Variants in TMEM161B observed in about 807,000 individuals in gnomAD.
TMEM161B encodes transmembrane protein 161B.
A neutral mutation model predicts 61.8 loss-of-function variants in TMEM161B; 34 were observed. The ratio of observed to expected loss-of-function variants is 0.55; its 90% CI spans 0.42 to 0.73. The LOEUF (loss-of-function observed/expected upper bound fraction) is 0.73. Among genes scored for constraint, TMEM161B ranks in the 30% least tolerant of loss-of-function variants. The probability of loss-of-function intolerance (pLI) is 0.00; values close to 1 mark genes in which losing one functional copy is unlikely to be tolerated. For missense variants in TMEM161B, 456 were observed against 558.5 expected (o/e 0.82, Z 1.85); for synonymous variants, 167 against 192.8 (o/e 0.87, Z 1.11).
At chr5:88,227,223 G>A (rs780523163) in intron 3 of TMEM161B, among the ~76,000 whole-genome samples, 1 of 152,132 alleles carries the variant, frequency 6.6e-6, no homozygotes, top group Non-Finnish European at 1.5e-5. Context: ...GAACATAGTA[G>A]CTATAAATGG....
intron 4 of TMEM161B, among the ~76,000 whole-genome samples, chr5:88,222,995 C>G (rs1351220999): frequency 2.0e-5 from 3 of 151,882 alleles, no homozygotes; most frequent in African/African-American, 7.3e-5. Context: ...CCCTGCTATT[C>G]TGGTTAACTG....
chr5:88,201,999 C>T, intron 9 of TMEM161B: 1 of 371,054 alleles, frequency 2.7e-6, no homozygotes, highest in Admixed American at 2.9e-5. Context: ...TATTTTAATT[C>T]TGATGAGGCA....
intron 1 of TMEM161B, among the ~76,000 whole-genome samples, chr5:88,246,080 AAAAT>A (rs1322326692): frequency 6.6e-6 from 1 of 151,918 alleles, no homozygotes; most frequent in Non-Finnish European, 1.5e-5. Flanking sequence ...ATGTTTGACT[AAAAT>A]AATGTTCAAT....
At position 88,230,312 on chromosome 5, in the gene TMEM161B, A is replaced by T. The variant is rs376923181; in HGVS notation, c.108-1784T>A. On this transcript the variant is annotated intron_variant, in intron 2 of 11. Transcript: ENST00000296595. ...TGATAATGAGATTGTGGTAATTTTTAAAAATCTCATTATTTTTGATATATA... is the reference window on the plus strand; with the variant it reads ...TGATAATGAGATTGTGGTAATTTTTTAAAATCTCATTATTTTTGATATATA... Among the ~76,000 whole-genome samples the T allele has an allele frequency of 3.0e-3, 452 of 152,340 alleles. 3 individuals are homozygous for T. Among genetic ancestry groups the T allele is most frequent in the Middle Eastern group, 0.01 (3 of 294 alleles).
chr5:88,186,255 C>T (rs1561279032), downstream of TMEM161B, among the ~76,000 whole-genome samples: 1 of 152,148 alleles, frequency 6.6e-6, no homozygotes, highest in Non-Finnish European at 1.5e-5. Flanking sequence ...TTGTAAAGTC[C>T]AACGATGCAT....
Position 88,228,361 on chromosome 5 carries a change from CAT to C in TMEM161B, c.191+82_191+83del, listed in dbSNP as rs772536639. On this transcript the variant is annotated intron_variant, in intron 3 of 11. Transcript: ENST00000296595. ...TCAACTACTTACAACATAATTGGTACATGTTTCTTTAATCAAAGCATAAAAAT... is the reference window on the plus strand; with the variant it reads ...TCAACTACTTACAACATAATTGGTACGTTTCTTTAATCAAAGCATAAAAAT... The C allele has an allele frequency of 2.4e-3, 2,513 of 1,030,754 alleles. 3 individuals carry two copies. The highest frequency in any genetic ancestry group is 3.1e-3 in the Non-Finnish European group (2,203 of 706,062). The allele number at this position is 1,030,754 out of a possible 1,614,324, so 63.9% of individuals were successfully genotyped here. A position where few individuals can be genotyped will look rare whatever the true frequency, so the allele number is the denominator to read the frequency against.
downstream of TMEM161B, among the ~76,000 whole-genome samples, chr5:88,188,191 G>A (rs528791530): frequency 7.9e-5 from 12 of 151,888 alleles, no homozygotes; most frequent in South Asian, 2.1e-4. Context: ...TGCAACCTCC[G>A]CCTCCCAGGT....
At chr5:88,205,692 G>A (rs1745325638) in intron 8 of TMEM161B, 122 bp downstream of exon 8, 7 of 1,100,910 alleles carry the variant, frequency 6.4e-6, no homozygotes, top group Non-Finnish European at 8.8e-6. Context: ...AGGAAGTAGT[G>A]TGACATCAAA....
chr5:88,207,087 G>C lies in TMEM161B; in HGVS notation c.540C>G (p.Val180=). 6.2e-7 allele frequency: 1 copy of C among 1,612,500 alleles called. No individual in the cohort carries two copies. The highest frequency in any genetic ancestry group is 8.5e-7 in the Non-Finnish European group (1 of 1,179,324). ...VCVTFGFFFF[V]KAMAVLIVTE... ...TTACAATCAACACTGCCATTGCTTTGACAAAGAAAAAAAATCCAAAGGTGA... is the reference window on the plus strand; with the variant it reads ...TTACAATCAACACTGCCATTGCTTTCACAAAGAAAAAAAATCCAAAGGTGA... The change falls in exon 6 of 12, where the codon GTC becomes GTG. Residue 180 remains valine (V), a synonymous_variant. Coordinates refer to ENST00000296595, the MANE Select transcript of TMEM161B (RefSeq NM_153354.5).
chr5:88,265,128 CT>C (rs1756210313), intron 1 of TMEM161B, among the ~76,000 whole-genome samples: 1 of 152,116 alleles, frequency 6.6e-6, no homozygotes, highest in African/African-American at 2.4e-5. Context: ...AAATACAATT[CT>C]AAAACTTTAT....
intron 4 of TMEM161B, chr5:88,221,633 T>A (rs184680327): frequency 2.2e-6 from 1 of 451,588 alleles, no homozygotes; most frequent in Non-Finnish European, 4.5e-6. Context: ...AGAGTTTACA[T>A]TGAAATTAAC....
chr5:88,201,129 A>C (rs1258263374), intron 9 of TMEM161B: 1 of 152,060 alleles, frequency 6.6e-6, no homozygotes, highest in Admixed American at 6.6e-5. Context: ...CAGAGGTAAA[A>C]CTATAATTTT....
At chr5:88,210,582 T>A (rs1746512757) in intron 5 of TMEM161B, among the ~76,000 whole-genome samples, 1 of 152,128 alleles carries the variant, frequency 6.6e-6, no homozygotes, top group African/African-American at 2.4e-5. Context: ...GAGTTTAGAT[T>A]TAGTCAACTG....
chr5:88,207,531 C>T (rs1745752501), intron 5 of TMEM161B, among the ~76,000 whole-genome samples: 1 of 152,126 alleles, frequency 6.6e-6, no homozygotes, highest in Non-Finnish European at 1.5e-5. Flanking sequence ...CACAGGAATC[C>T]TCCGTAATAA....
At chr5:88,190,561 C>T (rs964875365), downstream of TMEM161B, among the ~76,000 whole-genome samples, 1 of 152,116 alleles carries the variant, frequency 6.6e-6, no homozygotes, top group Non-Finnish European at 1.5e-5. Context: ...GACTGATGCC[C>T]GCAAAGGGGC....
At position 88,195,853 on chromosome 5, in the gene TMEM161B, A is replaced by T; in HGVS notation, c.*358T>A. 1 of 1,023,510 alleles carries T rather than the reference A, an allele frequency of 9.8e-7. No homozygotes were observed. Among genetic ancestry groups the T allele is most frequent in the South Asian group, 3.9e-5 (1 of 25,574 alleles). 63.4% of individuals were successfully genotyped at this position (1,023,510 alleles called of 1,614,324 possible). A position where few individuals can be genotyped will look rare whatever the true frequency, so the allele number is the denominator to read the frequency against. ...ACTATGACTATCAACAGTACCATAA[A>T]ACCATTAAAAGCAATCAATAACTAG... is the stretch of plus-strand genomic sequence containing the variant. On this transcript the variant is annotated 3_prime_UTR_variant, in exon 12 of 12. Coordinates refer to ENST00000296595, the MANE Select transcript of TMEM161B (RefSeq NM_153354.5).
intron 1 of TMEM161B, among the ~76,000 whole-genome samples, chr5:88,251,370 G>A (rs1439972650): frequency 6.6e-6 from 1 of 151,878 alleles, no homozygotes; most frequent in East Asian, 1.9e-4. Flanking sequence ...GAGCAATAAG[G>A]GATTATAAAA....
chr5:88,206,460 T>A lies in TMEM161B; in HGVS notation c.638A>T (p.Glu213Val). The A allele has an allele frequency of 6.2e-7, 1 of 1,602,676 alleles. No homozygotes were observed. Among genetic ancestry groups the A allele is most frequent in the Non-Finnish European group, 8.5e-7 (1 of 1,174,786 alleles). ...NFSDSAMQFL[E>V]KQGLESQSPV... The stretch of plus-strand genomic sequence containing the variant: ...TTACTGAGATTCTAAACCTTGCTTT[T>A]CAAGAAACTGCATCGCACTGTCTGA... Residue 213 changes from glutamate to valine, a missense_variant, in exon 7 of 12, where the codon GAA becomes GTA. Glu to Val is a moderately radical substitution (Grantham distance 121, BLOSUM62 -2). This residue lies in a region of TMEM161B where 367 missense variants were observed against 427.3 expected (regional missense o/e 0.86). Coordinates refer to ENST00000296595, the MANE Select transcript of TMEM161B (RefSeq NM_153354.5).
intron 9 of TMEM161B, chr5:88,200,776 T>A (rs1202361309): frequency 6.6e-6 from 1 of 152,112 alleles, no homozygotes; most frequent in African/African-American, 2.4e-5. Context: ...CTTTCCTGTA[T>A]ATGCTGTGTT....
Sources: gnomAD v4.1 joint callset for allele counts (sites outside exome capture counted in the v4.1 genomes callset) on GRCh38, gnomAD v4.1.1 for gene constraint, gnomAD v4.1.1 regional missense constraint, MANE v1.5 for transcripts, NCBI Gene and HGNC (gene_info 2026-07-23, HGNC 2026-07-21) for gene names.